SPAG16: variants seen among roughly 807,000 people sequenced by gnomAD.
SPAG16 encodes sperm-associated antigen 16 protein.
In SPAG16, 86 loss-of-function variants were observed where a neutral mutation model predicts 80.4. The observed-to-expected ratio is 1.07, with a 90% CI of 0.90 to 1.28. SPAG16 has a LOEUF of 1.28. Ranked by LOEUF, SPAG16 falls within the 50% of genes most tolerant of loss-of-function variation. The probability of loss-of-function intolerance (pLI) is 0.00; values close to 1 mark genes in which losing one functional copy is unlikely to be tolerated. For synonymous variants in SPAG16, 294 were observed against 265.9 expected (o/e 1.11, Z -1.03); for missense variants, 870 against 765.3 (o/e 1.14, Z -1.61).
intron 10 of SPAG16, among the ~76,000 whole-genome samples, chr2:213,573,769 C>G (rs1003984925): frequency 5.3e-5 from 8 of 152,052 alleles, no homozygotes; most frequent in African/African-American, 1.9e-4. Context: ...TTTGCTGGTA[C>G]AAACAAAGAT....
chr2:213,999,106 C>G (rs780169284), intron 12 of SPAG16, among the ~76,000 whole-genome samples: 6 of 152,256 alleles, frequency 3.9e-5, no homozygotes, highest in Middle Eastern at 3.4e-3. Context: ...TAAGTAACAA[C>G]GAGGGGAATG....
chr2:213,715,634 G>T (rs2066209566), intron 10 of SPAG16, among the ~76,000 whole-genome samples: 1 of 152,132 alleles, frequency 6.6e-6, no homozygotes, highest in Admixed American at 6.5e-5. Flanking sequence ...TAGCACAATT[G>T]CTGACACACT....
At chr2:213,617,736 CT>C (rs1273576834) in intron 10 of SPAG16, among the ~76,000 whole-genome samples, 1 of 152,088 alleles carries the variant, frequency 6.6e-6, no homozygotes, top group Non-Finnish European at 1.5e-5. Context: ...TCCCATGGGC[CT>C]AGGAGTTTGA....
chr2:213,990,048 G>A (rs937128090), intron 12 of SPAG16, among the ~76,000 whole-genome samples: 11 of 151,954 alleles, frequency 7.2e-5, no homozygotes, highest in African/African-American at 2.7e-4. Context: ...ATCTGACATG[G>A]GGTGATCTTT....
intron 15 of SPAG16, among the ~76,000 whole-genome samples, chr2:214,275,938 G>T (rs993463114): frequency 2.0e-5 from 3 of 152,152 alleles, no homozygotes; most frequent in African/African-American, 7.2e-5. Flanking sequence ...AAGTCTCTTT[G>T]TGGGTCTCTA....
At chr2:214,095,779 A>G (rs1018241040) in intron 13 of SPAG16, among the ~76,000 whole-genome samples, 2 of 149,808 alleles carry the variant, frequency 1.3e-5, no homozygotes, top group Non-Finnish European at 3.0e-5. Flanking sequence ...TCTGTTGTAC[A>G]ACATTGTATT....
intron 11 of SPAG16, among the ~76,000 whole-genome samples, chr2:213,881,308 G>T (rs1400671576): frequency 1.3e-5 from 2 of 152,104 alleles, no homozygotes; most frequent in African/African-American, 4.8e-5. Flanking sequence ...TTTACATATT[G>T]ATTTTGTATT....
At chr2:213,417,602 T>G (rs2125420823) in intron 9 of SPAG16, among the ~76,000 whole-genome samples, 1 of 152,320 alleles carries the variant, frequency 6.6e-6, no homozygotes, top group South Asian at 2.1e-4. Flanking sequence ...CAGTTTCTCT[T>G]TGTAACTTAA....
intron 6 of SPAG16, among the ~76,000 whole-genome samples, chr2:213,348,776 A>G (rs1354971752): frequency 6.6e-6 from 1 of 152,044 alleles, no homozygotes; most frequent in African/African-American, 2.4e-5. Flanking sequence ...TCCCTTTGTG[A>G]CTAACCCGAC....
intron 3 of SPAG16, among the ~76,000 whole-genome samples, chr2:213,299,744 T>G (rs2062656444): frequency 6.6e-6 from 1 of 152,196 alleles, no homozygotes. Context: ...ATATTTAAAG[T>G]TATTCTTGAA....
At chr2:213,574,250 C>G (rs147587366) in intron 10 of SPAG16, among the ~76,000 whole-genome samples, 1 of 152,244 alleles carries the variant, frequency 6.6e-6, no homozygotes, top group African/African-American at 2.4e-5. Context: ...TATATACAAT[C>G]AAATTTTTGC....
intron 12 of SPAG16, among the ~76,000 whole-genome samples, chr2:213,950,650 T>TTCCCTCCCTCCC (rs1034704117): frequency 6.7e-6 from 1 of 150,088 alleles, no homozygotes; most frequent in African/African-American, 2.4e-5. Flanking sequence ...CCCTCTCTCC[T>TTCCCTCCCTCCC]TCCCTCCCTC....
Position 213,572,752 on chromosome 2 carries a change from G to A in SPAG16, c.1070+82662G>A, listed in dbSNP as rs1339758359. ...AGAGGCAGGCAGGCCTCCTTGAGCT[G>A]TGGTGGGCTCTACCCAGTTCGAGCT... On this transcript the variant is annotated intron_variant, in intron 10 of 15. Coordinates refer to ENST00000331683, the MANE Select transcript of SPAG16 (RefSeq NM_024532.5). Among the ~76,000 whole-genome samples, 2 of 152,120 alleles carry A rather than the reference G, an allele frequency of 1.3e-5. 1 individual carries two copies. The highest frequency in any genetic ancestry group is 3.9e-4 in the East Asian group (2 of 5,148).
intron 14 of SPAG16, among the ~76,000 whole-genome samples, chr2:214,116,423 G>A (rs1016480875): frequency 2.6e-5 from 4 of 152,190 alleles, no homozygotes; most frequent in African/African-American, 9.6e-5. Flanking sequence ...ACCAGACTCA[G>A]TTCCAGCTCC....
At chr2:213,889,690 CATAT>C (rs1200378413) in intron 11 of SPAG16, among the ~76,000 whole-genome samples, 2 of 147,036 alleles carry the variant, frequency 1.4e-5, no homozygotes, top group South Asian at 2.1e-4. Flanking sequence ...TATACATATA[CATAT>C]ATATACACAT....
chr2:213,740,149 TAATA>T (rs2067479191), intron 10 of SPAG16, among the ~76,000 whole-genome samples: 2 of 152,174 alleles, frequency 1.3e-5, no homozygotes, highest in South Asian at 4.1e-4. Context: ...AAGTTAAATT[TAATA>T]TCATGTTACA....
intron 9 of SPAG16, among the ~76,000 whole-genome samples, chr2:213,384,961 G>A (rs145640583): frequency 7.0e-4 from 107 of 152,172 alleles, no homozygotes; most frequent in Non-Finnish European, 1.4e-3. Flanking sequence ...TGACATTTAC[G>A]TGCTTCTGGC....
chr2:213,493,551 T>C, intron 10 of SPAG16, among the ~76,000 whole-genome samples: 1 of 152,140 alleles, frequency 6.6e-6, no homozygotes, highest in East Asian at 1.9e-4. Flanking sequence ...TGTCTTTCAG[T>C]GACTGCCACT....
intron 13 of SPAG16, among the ~76,000 whole-genome samples, chr2:214,043,069 TC>T (rs1422555050): frequency 6.6e-6 from 1 of 151,998 alleles, no homozygotes; most frequent in Non-Finnish European, 1.5e-5. Flanking sequence ...GAGTGAGGAC[TC>T]TGGTACACCA....
Sources: allele counts gnomAD v4.1 joint callset (sites outside exome capture counted in the v4.1 genomes callset), GRCh38; gene constraint gnomAD v4.1.1; transcripts MANE v1.5; gene names NCBI Gene and HGNC (gene_info 2026-07-23, HGNC 2026-07-21).